The following ANO9 variants were observed in gnomAD, a reference collection of about 807,000 sequenced individuals.
ANO9 encodes the protein anoctamin-9.
In ANO9, 80 loss-of-function variants were observed where a neutral mutation model predicts 100.5. The ratio of observed to expected loss-of-function variants is 0.80; its 90% CI spans 0.66 to 0.96. The LOEUF is 0.96. Ranked by LOEUF, ANO9 falls within the 40% of genes least tolerant of loss-of-function variation. The pLI, the probability that ANO9 is intolerant of heterozygous loss-of-function variation, is 0.00. For synonymous variants in ANO9, 473 were observed against 435.6 expected (o/e 1.09, Z -1.07); for missense variants, 1,064 against 1,072.7 (o/e 0.99, Z 0.11).
At chr11:434,160 T>C (rs959943014) in intron 1 of ANO9, 62 bp from the exon 2 acceptor site, 116 of 1,529,086 alleles carry the variant, frequency 7.6e-5, no homozygotes, top group Admixed American at 1.4e-4. Flanking sequence ...ATGCCCCTCA[T>C]TGGCGGGTCC....
At chr11:420,337 C>T in intron 19 of ANO9, 126 bp downstream of exon 19, 1 of 1,488,062 alleles carries the variant, frequency 6.7e-7, no homozygotes, top group Non-Finnish European at 8.9e-7. Flanking sequence ...CGGAGAAGGG[C>T]TGGGGGCTGT....
chr11:430,337 C>A lies in ANO9; in HGVS notation c.606G>T (p.Val202=), dbSNP rs1347067974. The A allele has an allele frequency of 3.1e-6, 5 of 1,610,010 alleles. No individual in the cohort carries two copies. The African/African-American group carries it at 6.7e-5, about 22-fold the overall frequency. The change falls in exon 8 of 23, where the codon GTG becomes GTT. Residue 202 remains valine, a synonymous_variant. Coordinates refer to ENST00000332826, the MANE Select transcript of ANO9 (RefSeq NM_001012302.3). ...VWLGWYTYML[V]PAALTGLLVF... ...CTAAGAGGCCCGTCAGGGCGGCCGG[C>A]ACCAGCATGTAGGTGTACCAGCCCA...
intron 15 of ANO9, 63 bp downstream of exon 15, chr11:428,025 C>CTTCATTTTTTTTTT: frequency 1.5e-6 from 2 of 1,338,932 alleles, no homozygotes; most frequent in Non-Finnish European, 2.1e-6. Flanking sequence ...GACATTGCCA[C>CTTCATTTTTTTTTT]TTTAAAGGCA....
intron 15 of ANO9, among the ~76,000 whole-genome samples, chr11:423,121 C>T (rs1177353746): frequency 6.6e-6 from 1 of 152,198 alleles, no homozygotes; most frequent in Non-Finnish European, 1.5e-5. Flanking sequence ...AGCCACCACA[C>T]CCAGCTAGTC....
At chr11:437,396 C>T (rs1232407970) in intron 1 of ANO9, among the ~76,000 whole-genome samples, 1 of 152,162 alleles carries the variant, frequency 6.6e-6, no homozygotes, top group Non-Finnish European at 1.5e-5. Context: ...ACTGCAGCCT[C>T]CCTGCGGGGG....
At chr11:436,105 A>T (rs1266107199) in intron 1 of ANO9, among the ~76,000 whole-genome samples, 1 of 111,532 alleles carries the variant, frequency 9.0e-6, no homozygotes, top group Non-Finnish European at 1.6e-5. Flanking sequence ...TTTCCTCGTG[A>T]TGCCTAGGCT....
chr11:434,252 G>C (rs1356525256), intron 1 of ANO9, among the ~76,000 whole-genome samples, 154 bp from the exon 2 acceptor site: 1 of 152,232 alleles, frequency 6.6e-6, no homozygotes, highest in African/African-American at 2.4e-5. Flanking sequence ...CTGTAGGCGG[G>C]TGACAGGCCA....
At chr11:427,646 C>A (rs1201248063) in intron 15 of ANO9, among the ~76,000 whole-genome samples, 1 of 152,112 alleles carries the variant, frequency 6.6e-6, no homozygotes, top group Non-Finnish European at 1.5e-5. Context: ...GAGGTCAAGA[C>A]TGCAGTGAGC....
chr11:435,316 GTAGTATGGTA>G (rs1849382461), intron 1 of ANO9, among the ~76,000 whole-genome samples: 1 of 150,426 alleles, frequency 6.6e-6, no homozygotes, highest in African/African-American at 2.5e-5. Flanking sequence ...ATAGTATAGG[GTAGTATGGTA>G]TAGTATGGTC....
intron 1 of ANO9, among the ~76,000 whole-genome samples, chr11:438,622 C>A (rs1490707960): frequency 6.7e-6 from 1 of 149,750 alleles, no homozygotes; most frequent in Non-Finnish European, 1.5e-5. Context: ...CCACACCCAC[C>A]GGCCCATCCC....
chr11:419,630 T>C lies in ANO9; in HGVS notation c.1886A>G (p.Tyr629Cys), dbSNP rs754350572. ...CAGGCATGGGCTATAGCGGTACTTGTAGACCACTCGGGGGATGAACTCAGA... is the reference window on the plus strand; with the variant it reads ...CAGGCATGGGCTATAGCGGTACTTGCAGACCACTCGGGGGATGAACTCAGA... Reference protein sequence around the residue: ...FTSEFIPRVVYKYRYSPCLKE... With the variant: ...FTSEFIPRVVCKYRYSPCLKE... The change falls in exon 20 of 23, where the codon TAC becomes TGC. Residue 629 changes from tyrosine to cysteine, a missense_variant. Tyr to Cys is a radical substitution (Grantham distance 194). Coordinates refer to ENST00000332826, the MANE Select transcript of ANO9 (RefSeq NM_001012302.3). The C allele has an allele frequency of 6.2e-7, 1 of 1,613,594 alleles. No individual in the cohort carries two copies. The highest frequency in any genetic ancestry group is 1.1e-5 in the South Asian group (1 of 91,086).
At chr11:420,324 C>G (rs901059538) in intron 19 of ANO9, 139 bp downstream of exon 19, 3 of 1,461,834 alleles carry the variant, frequency 2.1e-6, no homozygotes, top group Non-Finnish European at 2.7e-6. Context: ...CATCCGAGGC[C>G]GTCGGAGAAG....
Position 437,043 on chromosome 11 carries a change from T to G in ANO9, c.7-2945A>C, listed in dbSNP as rs1590537844. 3.7e-4 allele frequency among the ~76,000 whole-genome samples: 19 copies of G among 51,630 alleles called. 1 individual carries two copies. The highest frequency in any genetic ancestry group is 7.8e-4 in the South Asian group (1 of 1,278). The allele number at this position is 51,630 out of a possible 152,430, so 33.9% of individuals were successfully genotyped here. On this transcript the variant is annotated intron_variant, in intron 1 of 22. Transcript: ENST00000332826. ...AGATGAGCGGGGGGTGAGCGGGGGGTGCGTGGGGGGTGAGCTGGGGGTGAA... is the reference window on the plus strand; with the variant it reads ...AGATGAGCGGGGGGTGAGCGGGGGGGGCGTGGGGGGTGAGCTGGGGGTGAA...
chr11:434,940 C>T (rs944392778), intron 1 of ANO9, among the ~76,000 whole-genome samples: 6 of 152,176 alleles, frequency 3.9e-5, no homozygotes, highest in South Asian at 2.1e-4. Context: ...CTCTGCCAGC[C>T]GCATCCTCGC....
Position 429,744 on chromosome 11 carries a change from C to T in ANO9, c.832+14G>A. On this transcript the variant is annotated intron_variant, in intron 10 of 22. Coordinates refer to ENST00000332826, the MANE Select transcript of ANO9 (RefSeq NM_001012302.3). Reference sequence around the variant, plus strand: ...CTTCCCCTGGCCCCGCAGAGGCGTCCCGCAGCAACTCACCCCAGAGAGCCA... The same window carrying T: ...CTTCCCCTGGCCCCGCAGAGGCGTCTCGCAGCAACTCACCCCAGAGAGCCA... 6.2e-7 allele frequency: 1 copy of T among 1,611,578 alleles called. No homozygotes were observed. The highest frequency in any genetic ancestry group is 8.5e-7 in the Non-Finnish European group (1 of 1,179,126).
At chr11:437,408 A>G (rs903042200) in intron 1 of ANO9, among the ~76,000 whole-genome samples, 16 of 141,634 alleles carry the variant, frequency 1.1e-4, no homozygotes, top group Non-Finnish European at 2.3e-4. Context: ...CTGCGGGGGG[A>G]AGTTCTTGCC....
Position 418,334 on chromosome 11 carries a change from G to A in ANO9, c.*37C>T. On this transcript the variant is annotated 3_prime_UTR_variant, in exon 23 of 23. Transcript: ENST00000332826. ...TGTGGGAGGTGCTGGTGGTGGCACT[G>A]TCTCAGCTCCTGGTGGCCTCTGGAC... 1 of 1,529,226 alleles carries A rather than the reference G, an allele frequency of 6.5e-7. No individual in the cohort carries two copies. Among genetic ancestry groups the A allele is most frequent in the Non-Finnish European group, 8.8e-7 (1 of 1,136,208 alleles). 94.7% of individuals were successfully genotyped at this position (1,529,226 alleles called of 1,614,324 possible).
Position 430,381 on chromosome 11 carries a change from C to A in ANO9, c.562G>T (p.Ala188Ser). 1 of 1,604,182 alleles carries A rather than the reference C, an allele frequency of 6.2e-7. No individual in the cohort carries two copies. Among genetic ancestry groups the A allele is most frequent in the African/African-American group, 1.4e-5 (1 of 72,018 alleles). The part of the protein sequence containing the change: ...EIRNYFGEKV[A>S]LYFVWLGWYT... ...CAGCCCAGCCAGACGAAGTACAGGG[C>A]CACCTTTTCCCCAAAGTAGTTCCTG... is the stretch of plus-strand genomic sequence containing the variant. The change falls in exon 8 of 23, where the codon GCC becomes TCC. Residue 188 changes from alanine (A) to serine (S), a missense_variant. Physicochemically the swap from Ala to Ser is moderately conservative, Grantham distance 99 (BLOSUM62 1). Coordinates refer to ENST00000332826, the MANE Select transcript of ANO9 (RefSeq NM_001012302.3).
rs1199346666 is a variant in ANO9 at position 418,936 on chromosome 11, AAGTCCTTGGTGTGGAAGACGGAC to A, written c.1965_1987del (p.Ser656ProfsTer4). 6.2e-7 allele frequency: 1 copy of A among 1,613,376 alleles called. No individual in the cohort carries two copies. The highest frequency in any genetic ancestry group is 8.5e-7 in the Non-Finnish European group (1 of 1,179,890). ...GCCCTCAATCCCATCAGGGTCCTGG[AAGTCCTTGGTGTGGAAGACGGAC>A]AGGCTGTGGTTGACGTAGCCCTTGA... On this transcript the variant is annotated frameshift_variant, in exon 21 of 23. Transcript: ENST00000332826. LOFTEE classifies it high-confidence loss of function.
Sources: allele counts gnomAD v4.1 joint callset (sites outside exome capture counted in the v4.1 genomes callset), GRCh38; gene constraint gnomAD v4.1.1; transcripts MANE v1.5; gene names NCBI Gene and HGNC (gene_info 2026-07-23, HGNC 2026-07-21).